The following STRBP variants were observed in gnomAD, a reference collection of about 807,000 sequenced individuals.
The protein encoded by STRBP is spermatid perinuclear RNA binding protein, also known as spermatid perinuclear RNA-binding protein.
A neutral mutation model predicts 80.1 loss-of-function variants in STRBP; 13 were observed. That is an observed-to-expected ratio of 0.16 (90% CI 0.11 to 0.26). STRBP has a LOEUF of 0.26. Ranked by LOEUF, STRBP falls within the 10% of genes least tolerant of loss-of-function variation. The probability of loss-of-function intolerance (pLI) is 1.00; values close to 1 mark genes in which losing one functional copy is unlikely to be tolerated. For synonymous variants in STRBP, 284 were observed against 291.2 expected (o/e 0.98, Z 0.25); for missense variants, 485 against 815.2 (o/e 0.59, Z 4.93).
At chr9:123,212,095 G>A (rs960373612) in intron 2 of STRBP, among the ~76,000 whole-genome samples, 4 of 152,066 alleles carry the variant, frequency 2.6e-5, no homozygotes, top group East Asian at 1.9e-4. Flanking sequence ...TCCTTAATAC[G>A]GATTTTTTTC....
chr9:123,236,655 T>C (rs79828051), intron 2 of STRBP, among the ~76,000 whole-genome samples, 175 bp downstream of exon 2: 1 of 150,192 alleles, frequency 6.7e-6, no homozygotes, highest in Non-Finnish European at 1.5e-5. Context: ...AATAGGATTT[T>C]CTAAAAAAAA....
intron 1 of STRBP, among the ~76,000 whole-genome samples, chr9:123,251,152 T>C (rs2132630174): frequency 6.6e-6 from 1 of 152,208 alleles, no homozygotes; most frequent in East Asian, 1.9e-4. Context: ...TCTTTCTCTG[T>C]CTCTGTTTCT....
chr9:123,179,335 T>C (rs2038356685), intron 3 of STRBP, 108 bp from the exon 4 acceptor site: 2 of 914,884 alleles, frequency 2.2e-6, no homozygotes, highest in Admixed American at 2.6e-5. Context: ...CTGTCTACTG[T>C]GAAACAGTTA....
intron 3 of STRBP, chr9:123,181,056 CTT>C (rs2038437201): frequency 2.4e-6 from 1 of 409,440 alleles, no homozygotes; most frequent in Non-Finnish European, 3.3e-6. Context: ...GCAAAGAAAA[CTT>C]TGGTTGAAAA....
chr9:123,141,983 G>C (rs894700586), intron 13 of STRBP, among the ~76,000 whole-genome samples: 1 of 152,124 alleles, frequency 6.6e-6, no homozygotes, highest in Non-Finnish European at 1.5e-5. Context: ...CCCATCCTTT[G>C]GCCTTGTCCT....
intron 1 of STRBP, among the ~76,000 whole-genome samples, chr9:123,250,060 A>G (rs1208994121): frequency 6.6e-6 from 1 of 152,250 alleles, no homozygotes; most frequent in East Asian, 1.9e-4. Flanking sequence ...ACAGGACACA[A>G]AATGTTCACT....
intron 17 of STRBP, among the ~76,000 whole-genome samples, chr9:123,129,456 C>T (rs142389902): frequency 6.6e-6 from 1 of 152,254 alleles, no homozygotes; most frequent in Non-Finnish European, 1.5e-5. Context: ...TTACACAGTA[C>T]CCAAAACAAA....
intron 4 of STRBP, among the ~76,000 whole-genome samples, chr9:123,178,115 C>T (rs1368395594): frequency 6.6e-6 from 1 of 152,158 alleles, no homozygotes; most frequent in Non-Finnish European, 1.5e-5. Flanking sequence ...TATCTTTGAT[C>T]TGAAGATAAA....
intron 6 of STRBP, 25 bp downstream of exon 6, chr9:123,169,873 CATAT>C (rs59261791): frequency 5.3e-4 from 522 of 987,960 alleles, no homozygotes; most frequent in East Asian, 1.7e-3. Flanking sequence ...CAAATATATA[CATAT>C]ATATATATAT....
Position 123,139,510 on chromosome 9 carries a change from G to A in STRBP, c.1497+19C>T. On this transcript the variant is annotated intron_variant, in intron 14 of 18. Coordinates refer to ENST00000348403, the MANE Select transcript of STRBP (RefSeq NM_018387.5). Reference sequence around the variant, plus strand: ...TGCACATATATGTTATTTTTTTTCTGAGAAAAAAATAAGTATACCTCTAAG... The same window carrying A: ...TGCACATATATGTTATTTTTTTTCTAAGAAAAAAATAAGTATACCTCTAAG... 1 of 1,534,118 alleles carries A rather than the reference G, an allele frequency of 6.5e-7. No homozygotes were observed. Among genetic ancestry groups the A allele is most frequent in the Non-Finnish European group, 8.7e-7 (1 of 1,146,262 alleles).
intron 16 of STRBP, among the ~76,000 whole-genome samples, chr9:123,135,622 G>A (rs1216086106): frequency 2.0e-5 from 3 of 152,090 alleles, no homozygotes; most frequent in Non-Finnish European, 1.5e-5. Context: ...AATAAACAAT[G>A]CAAAAGCACG....
At position 123,124,337 on chromosome 9, in the gene STRBP, C is replaced by T. The variant is rs1363864977; in HGVS notation, c.*1260G>A. ...TGAGTACCTTAATGAAACCATTGACCTAGTAACATCATTGGCTTTCCAAAC... is the reference window on the plus strand; with the variant it reads ...TGAGTACCTTAATGAAACCATTGACTTAGTAACATCATTGGCTTTCCAAAC... On this transcript the variant is annotated 3_prime_UTR_variant, in exon 19 of 19. Coordinates refer to ENST00000348403, the MANE Select transcript of STRBP (RefSeq NM_018387.5). 2 of 985,304 alleles carry T rather than the reference C, an allele frequency of 2.0e-6. No homozygotes were observed. The highest frequency in any genetic ancestry group is 1.1e-4 in the East Asian group (1 of 8,826). 61.0% of individuals were successfully genotyped at this position (985,304 alleles called of 1,614,324 possible).
At chr9:123,252,822 T>G (rs573516582) in intron 1 of STRBP, among the ~76,000 whole-genome samples, 2 of 152,318 alleles carry the variant, frequency 1.3e-5, no homozygotes, top group South Asian at 4.1e-4. Flanking sequence ...GCCAGCATAT[T>G]TTAACATATT....
At chr9:123,144,174 G>A (rs1391067853) in intron 13 of STRBP, among the ~76,000 whole-genome samples, 7 of 148,812 alleles carry the variant, frequency 4.7e-5, no homozygotes, top group Non-Finnish European at 1.5e-5. Context: ...CTCCAGCCTG[G>A]GCAACAGATC....
At chr9:123,135,939 A>G in intron 16 of STRBP, 102 bp downstream of exon 16, 1 of 1,482,188 alleles carries the variant, frequency 6.7e-7, no homozygotes, top group Non-Finnish European at 9.1e-7. Context: ...AAGAAAAGGA[A>G]ACAACTTCAG....
intron 3 of STRBP, among the ~76,000 whole-genome samples, chr9:123,182,275 T>C (rs866072814): frequency 3.4e-5 from 4 of 118,748 alleles, no homozygotes; most frequent in East Asian, 4.4e-4. Flanking sequence ...AGAAGAACCA[T>C]GCAGAAAGAG....
At chr9:123,215,703 T>C (rs866084436) in intron 2 of STRBP, among the ~76,000 whole-genome samples, 12 of 152,176 alleles carry the variant, frequency 7.9e-5, no homozygotes, top group Non-Finnish European at 5.9e-5. Context: ...GAGAATCGTT[T>C]GAACCCAGGA....
intron 3 of STRBP, among the ~76,000 whole-genome samples, chr9:123,181,319 G>A (rs2038447876): frequency 6.6e-6 from 1 of 152,186 alleles, no homozygotes; most frequent in African/African-American, 2.4e-5. Flanking sequence ...TAGGCTGTTA[G>A]CTAGGCTCAT....
chr9:123,226,442 T>A (rs553141832), intron 2 of STRBP, among the ~76,000 whole-genome samples: 1 of 152,336 alleles, frequency 6.6e-6, no homozygotes, highest in Non-Finnish European at 1.5e-5. Flanking sequence ...AGGTCACATA[T>A]ATACTAAGCA....
Sources: allele counts gnomAD v4.1 joint callset (sites outside exome capture counted in the v4.1 genomes callset), GRCh38; gene constraint gnomAD v4.1.1; transcripts MANE v1.5; gene names NCBI Gene and HGNC (gene_info 2026-07-23, HGNC 2026-07-21).